Variants in MINPP1 observed in about 807,000 individuals in gnomAD.
MINPP1 encodes multiple inositol polyphosphate phosphatase 1.
In MINPP1, 28 loss-of-function variants were observed where a neutral mutation model predicts 46.1. The ratio of observed to expected loss-of-function variants is 0.61; its 90% CI spans 0.45 to 0.83. The LOEUF is 0.83. MINPP1 is among the 40% of genes least tolerant of loss of function. The probability of loss-of-function intolerance (pLI) is 0.00; values close to 1 mark genes in which losing one functional copy is unlikely to be tolerated. For synonymous variants in MINPP1, 268 were observed against 249.1 expected, an observed-to-expected ratio of 1.08 and a Z score of -0.72; for missense variants, 603 against 610.0, an observed-to-expected ratio of 0.99 and a Z score of 0.12.
chr10:87,542,877 T>C (rs1002449488), intron 4 of MINPP1, among the ~76,000 whole-genome samples: 2 of 152,220 alleles, frequency 1.3e-5, no homozygotes, highest in South Asian at 4.2e-4. Context: ...TACCTGAAGA[T>C]GTGGAAGTAG....
At chr10:87,524,240 A>T (rs11202430) in intron 4 of MINPP1, among the ~76,000 whole-genome samples, 1 of 152,054 alleles carries the variant, frequency 6.6e-6, no homozygotes, top group Non-Finnish European at 1.5e-5. Context: ...TTCAACTTAC[A>T]TTTTTGTGTT....
chr10:87,532,184 G>A (rs1025876607), intron 4 of MINPP1, among the ~76,000 whole-genome samples: 4 of 152,116 alleles, frequency 2.6e-5, no homozygotes, highest in Admixed American at 2.0e-4. Context: ...ACTTTATGGC[G>A]TCATTTATTA....
At chr10:87,506,897 T>C (rs1851260480) in intron 1 of MINPP1, among the ~76,000 whole-genome samples, 1 of 152,254 alleles carries the variant, frequency 6.6e-6, no homozygotes, top group Admixed American at 6.5e-5. Context: ...TGTGTCTAAT[T>C]ACTTGTTGAA....
chr10:87,521,079 G>T lies in MINPP1; in HGVS notation c.977G>T (p.Gly326Val). The change falls in exon 4 of 5, where the codon GGA becomes GTA. Residue 326 changes from glycine (G) to valine (V), a missense_variant. Gly to Val is a moderately radical substitution (Grantham distance 109). Transcript: ENST00000371996. ...LNDLKQYWKRGYGYTINSRSS... is the reference protein window; with the variant it reads ...LNDLKQYWKRVYGYTINSRSS... The stretch of plus-strand genomic sequence containing the variant: ...GATCTGAAACAATATTGGAAAAGAG[G>T]ATATGGGTATACTATTAACAGTCGA... The T allele has an allele frequency of 1.5e-6, 2 of 1,366,118 alleles. No individual in the cohort carries two copies. Among genetic ancestry groups the T allele is most frequent in the Non-Finnish European group, 2.1e-6 (2 of 955,726 alleles). 84.6% of individuals were successfully genotyped at this position (1,366,118 alleles called of 1,614,324 possible). A position where few individuals can be genotyped will look rare whatever the true frequency, so the allele number is the denominator to read the frequency against.
At chr10:87,527,790 T>C (rs930096068) in intron 4 of MINPP1, among the ~76,000 whole-genome samples, 1 of 152,220 alleles carries the variant, frequency 6.6e-6, no homozygotes, top group Admixed American at 6.5e-5. Flanking sequence ...TGGTACCAGC[T>C]CGTCTTTGTA....
intron 3 of MINPP1, among the ~76,000 whole-genome samples, chr10:87,518,517 A>G (rs1476425341): frequency 6.6e-6 from 1 of 151,984 alleles, no homozygotes; most frequent in Non-Finnish European, 1.5e-5. Context: ...TCATCAACAC[A>G]GAAGACTTCT....
At chr10:87,539,952 G>A (rs11202439) in intron 4 of MINPP1, among the ~76,000 whole-genome samples, 50,353 of 152,108 alleles carry the variant, frequency 0.33, 10,209 homozygotes, top group Non-Finnish European at 0.46. Flanking sequence ...TTGCATCCTC[G>A]ACTTCCTGGG....
At chr10:87,514,229 G>A (rs1209392520) in intron 3 of MINPP1, among the ~76,000 whole-genome samples, 3 of 151,812 alleles carry the variant, frequency 2.0e-5, no homozygotes, top group Non-Finnish European at 4.4e-5. Context: ...TTTTTTCCCC[G>A]CCCCACCATC....
chr10:87,515,168 C>T (rs912077082), intron 3 of MINPP1, among the ~76,000 whole-genome samples: 3 of 151,822 alleles, frequency 2.0e-5, no homozygotes, highest in Non-Finnish European at 4.4e-5. Flanking sequence ...GGGTGGATCA[C>T]CTGAGGTTAG....
chr10:87,515,985 T>C (rs1178940124), intron 3 of MINPP1, among the ~76,000 whole-genome samples: 3 of 151,318 alleles, frequency 2.0e-5, no homozygotes, highest in African/African-American at 4.9e-5. Context: ...TGTGCCATCA[T>C]GCCCGGCTAA....
intron 3 of MINPP1, among the ~76,000 whole-genome samples, chr10:87,514,180 T>C (rs1276390123): frequency 6.6e-6 from 1 of 152,164 alleles, no homozygotes. Context: ...TGTGGACATA[T>C]GGGAGCTGTT....
chr10:87,523,412 G>T (rs566326912), intron 4 of MINPP1, among the ~76,000 whole-genome samples: 3 of 150,822 alleles, frequency 2.0e-5, no homozygotes, highest in African/African-American at 7.3e-5. Context: ...GTGCAGTGGC[G>T]TGATCTCGGC....
At chr10:87,525,291 A>G (rs1564676716) in intron 4 of MINPP1, among the ~76,000 whole-genome samples, 1 of 151,994 alleles carries the variant, frequency 6.6e-6, no homozygotes, top group East Asian at 1.9e-4. Context: ...CTCTCCATTC[A>G]CCCTCACTCT....
intron 4 of MINPP1, among the ~76,000 whole-genome samples, chr10:87,525,106 C>T (rs1342297873): frequency 6.6e-6 from 1 of 152,124 alleles, no homozygotes; most frequent in African/African-American, 2.4e-5. Flanking sequence ...CTACAAAGCA[C>T]AATAAATCAA....
chr10:87,543,129 C>T (rs1197578785), intron 4 of MINPP1, among the ~76,000 whole-genome samples: 2 of 152,124 alleles, frequency 1.3e-5, no homozygotes, highest in Non-Finnish European at 2.9e-5. Flanking sequence ...GTACTGTGTG[C>T]CCTAGGGATA....
chr10:87,516,808 C>T lies in MINPP1; in HGVS notation c.933+3587C>T, dbSNP rs141035824. On this transcript the variant is annotated intron_variant, in intron 3 of 4. Transcript: ENST00000371996. ...TTTTCCTTCTCTGAAATTATTTCTC[C>T]GTAATTGTGTATTTTTGCTTTCAAT... Among the ~76,000 whole-genome samples the T allele has an allele frequency of 4.2e-3, 164 of 38,672 alleles. 50 individuals are homozygous for T. In the East Asian group the frequency reaches 0.061, roughly 14 times the overall value. 25.4% of individuals were successfully genotyped at this position (38,672 alleles called of 152,430 possible).
At chr10:87,521,012 G>A (rs1301890794) in intron 3 of MINPP1, 24 bp from the exon 4 acceptor site, 1 of 842,258 alleles carries the variant, frequency 1.2e-6, no homozygotes, top group African/African-American at 1.7e-5. Context: ...AAATATATTA[G>A]AAATTATTTT....
intron 4 of MINPP1, among the ~76,000 whole-genome samples, chr10:87,531,715 G>A (rs1208738208): frequency 1.3e-5 from 2 of 152,182 alleles, no homozygotes; most frequent in African/African-American, 4.8e-5. Flanking sequence ...CTGACCTCCT[G>A]TGATGGGTTG....
intron 4 of MINPP1, among the ~76,000 whole-genome samples, chr10:87,523,224 G>A (rs1020237104): frequency 1.3e-5 from 2 of 152,074 alleles, no homozygotes; most frequent in Non-Finnish European, 2.9e-5. Flanking sequence ...CATCTAGAGT[G>A]GTGAAACCTT....
Sources: allele counts gnomAD v4.1 joint callset (sites outside exome capture counted in the v4.1 genomes callset), GRCh38; gene constraint gnomAD v4.1.1; transcripts MANE v1.5; gene names NCBI Gene and HGNC (gene_info 2026-07-23, HGNC 2026-07-21).